Variants in NRXN2 observed in about 807,000 individuals in gnomAD.
The protein encoded by NRXN2 is neurexin 2, also known as neurexin-2-beta.
A neutral mutation model predicts 128.8 loss-of-function variants in NRXN2; 29 were observed. That is an observed-to-expected ratio of 0.23 (90% CI 0.17 to 0.31). NRXN2 has a LOEUF of 0.31. Ranked by LOEUF, NRXN2 falls within the 10% of genes least tolerant of loss-of-function variation. NRXN2 has a pLI of 1.00. For missense variants in NRXN2, 1,881 were observed against 2,452.6 expected, an observed-to-expected ratio of 0.77 and a Z score of 4.92; for synonymous variants, 1,098 against 1,075.2, an observed-to-expected ratio of 1.02 and a Z score of -0.41.
At position 64,660,767 on chromosome 11, in the gene NRXN2, C is replaced by T. The variant is rs72927004; in HGVS notation, c.2171G>A (p.Arg724Gln). ...ACCAGCCTCACCTCTCTCACAGACC[C>T]GCCCAAGAAAGCCGGTCCCGATGCA... Reference protein sequence around the residue: ...CDCIGTGFLGRVCEREATVLS... With the variant: ...CDCIGTGFLGQVCEREATVLS... Residue 724 changes from arginine (R) to glutamine (Q), a missense_variant, in exon 10 of 23, where the codon CGG becomes CAG. Physicochemically the swap from Arg to Gln is conservative, Grantham distance 43. Transcript: ENST00000265459. This position sits in a 1 kb window ranked among gnomAD's most constrained non-coding sequence, Gnocchi z 5.2. 7.6e-5 allele frequency: 123 copies of T among 1,612,402 alleles called. No individual in the cohort carries two copies. The East Asian group carries it at 8.0e-4, about 11-fold the overall frequency.
chr11:64,696,762 C>T (rs1002083322), intron 3 of NRXN2, among the ~76,000 whole-genome samples: 5 of 152,198 alleles, frequency 3.3e-5, no homozygotes, highest in African/African-American at 1.2e-4. Flanking sequence ...CGCCCTTGCC[C>T]TCCCACTCCA....
Position 64,667,340 on chromosome 11 carries a change from C to T in NRXN2, c.1708G>A (p.Gly570Arg). The change falls in exon 9 of 23, where the codon GGA becomes AGA. Residue 570 changes from glycine to arginine, a missense_variant. This residue lies in a region of NRXN2 where 997 missense variants were observed against 1,240.8 expected (regional missense o/e 0.80). Coordinates refer to ENST00000265459, the MANE Select transcript of NRXN2 (RefSeq NM_015080.4). The surrounding 1 kb of genome is among the most constrained non-coding windows in gnomAD (Gnocchi z 5.6). Reference sequence around the variant, plus strand: ...GCCCGCAGCTTGATGCCCCCAGATCCCATGTCCAGCAGAAGATAGAGGTGG... The same window carrying T: ...GCCCGCAGCTTGATGCCCCCAGATCTCATGTCCAGCAGAAGATAGAGGTGG... ...DGHLYLLLDM[G>R]SGGIKLRASS... is the part of the protein sequence containing the mutation. 3.1e-6 allele frequency: 5 copies of T among 1,614,250 alleles called. No homozygotes were observed. Among genetic ancestry groups the T allele is most frequent in the South Asian group, 1.1e-5 (1 of 91,086 alleles).
chr11:64,690,405 CT>C lies in NRXN2; in HGVS notation c.849del (p.Gly284AlafsTer43). 1 of 1,612,422 alleles carries C rather than the reference CT, an allele frequency of 6.2e-7. No individual in the cohort carries two copies. The highest frequency in any genetic ancestry group is 1.1e-5 in the South Asian group (1 of 90,502). The part of the protein sequence containing the change: ...GGAGDVHQPT[K>X]GKEEFVATFK... ...TCTGGGGACCATGGGGGTCACTGAC[CT>C]TTTGTTGGCTGGTGCACATCGCCGG... On this transcript the variant is annotated frameshift_variant and splice_region_variant, in exon 5 of 23. Transcript: ENST00000265459. LOFTEE classifies it high-confidence loss of function.
chr11:64,698,048 G>A (rs974058890), intron 2 of NRXN2, among the ~76,000 whole-genome samples: 3 of 152,136 alleles, frequency 2.0e-5, no homozygotes, highest in Non-Finnish European at 4.4e-5. Flanking sequence ...CAACCCTCAA[G>A]TAACATTTCA....
At position 64,667,612 on chromosome 11, in the gene NRXN2, T is replaced by G. The variant is rs916199505; in HGVS notation, c.1436A>C (p.Gln479Pro). ...AKEGDPKMKLQGDLSFRCEDV... is the reference protein window; with the variant it reads ...AKEGDPKMKLPGDLSFRCEDV... ...CTCACAGCGGAATGACAAGTCCCCC[T>G]GCAGCTTCATCTTGGGGTCCCCTTC... The change falls in exon 9 of 23, where the codon CAG becomes CCG. Residue 479 changes from glutamine to proline, a missense_variant. This residue lies in a region of NRXN2 where 997 missense variants were observed against 1,240.8 expected (regional missense o/e 0.80). Transcript: ENST00000265459. This position sits in a 1 kb window ranked among gnomAD's most constrained non-coding sequence, Gnocchi z 5.6. 6.2e-7 allele frequency: 1 copy of G among 1,614,072 alleles called. No individual in the cohort carries two copies. Among genetic ancestry groups the G allele is most frequent in the African/African-American group, 1.3e-5 (1 of 74,938 alleles).
chr11:64,619,358 A>C (rs1285919665), intron 22 of NRXN2, among the ~76,000 whole-genome samples: 3 of 151,140 alleles, frequency 2.0e-5, no homozygotes, highest in Admixed American at 2.0e-4. Context: ...GCCAGCCTCA[A>C]GTATCCCACC....
intron 20 of NRXN2, 33 bp downstream of exon 20, chr11:64,626,430 T>A (rs1249505827): frequency 2.8e-6 from 4 of 1,443,740 alleles, no homozygotes; most frequent in Admixed American, 1.7e-5. Flanking sequence ...TTTTTAAAGT[T>A]AATTAATTAA....
chr11:64,661,513 CT>C, intron 9 of NRXN2: 2 of 622,918 alleles, frequency 3.2e-6, no homozygotes, highest in Non-Finnish European at 4.4e-6. Context: ...CAGCCAGTTC[CT>C]TAGACTGGGA....
At chr11:64,676,023 A>G (rs1299233949) in intron 7 of NRXN2, 1 of 152,990 alleles carries the variant, frequency 6.5e-6, no homozygotes, top group Non-Finnish European at 1.5e-5. Flanking sequence ...GGTGACAAGG[A>G]CAACCAATGC....
intron 9 of NRXN2, 127 bp from the exon 10 acceptor site, chr11:64,661,266 G>C: frequency 8.4e-6 from 13 of 1,551,630 alleles, no homozygotes; most frequent in Non-Finnish European, 1.1e-5. Context: ...GGCTCAGGAG[G>C]ACGAGCAGCA....
rs1383988368 is a variant in NRXN2 at position 64,642,894 on chromosome 11, G to C, written c.3403+5325C>G. On this transcript the variant is annotated intron_variant, in intron 17 of 22. Transcript: ENST00000265459. ...CCGCGAAGCCCCCCTCCGGCTCCGA[G>C]CTCCGGGAGCGGGGTAGGGATGAAG... 3.9e-6 allele frequency: 4 copies of C among 1,031,926 alleles called. No individual in the cohort carries two copies. The East Asian group carries it at 3.8e-4, about 97-fold the overall frequency. 63.9% of individuals were successfully genotyped at this position (1,031,926 alleles called of 1,614,324 possible).
chr11:64,615,477 C>A (rs943286242), intron 22 of NRXN2, among the ~76,000 whole-genome samples: 2 of 152,204 alleles, frequency 1.3e-5, no homozygotes, highest in Admixed American at 6.5e-5. Context: ...TGGAGTTAAG[C>A]CTGCATGTGC....
At chr11:64,681,881 G>C (rs574559227) in intron 6 of NRXN2, among the ~76,000 whole-genome samples, 17 of 152,312 alleles carry the variant, frequency 1.1e-4, no homozygotes, top group Admixed American at 3.3e-4. Context: ...GAGGGAGAGA[G>C]GCCTGGGCAG....
In NRXN2 at chr11:64,623,203, G is replaced by C. The variant is rs2042622907; in HGVS notation, c.3848-125C>G. ...ATGGAGGAGAAAGCCAGTAAGGGAG[G>C]AGGGGACGGGGAGAAATGAGGAAGG... On this transcript the variant is annotated intron_variant, in intron 20 of 22. Coordinates refer to ENST00000265459, the MANE Select transcript of NRXN2 (RefSeq NM_015080.4). The surrounding 1 kb of genome is among the most constrained non-coding windows in gnomAD (Gnocchi z 4.9). The C allele has an allele frequency of 1.4e-6, 2 of 1,405,880 alleles. No individual in the cohort carries two copies. The highest frequency in any genetic ancestry group is 2.5e-5 in the Admixed American group (1 of 40,192). The allele number at this position is 1,405,880 out of a possible 1,614,324, so 87.1% of individuals were successfully genotyped here. A position where few individuals can be genotyped will look rare whatever the true frequency, so the allele number is the denominator to read the frequency against.
chr11:64,697,912 C>T, intron 2 of NRXN2, 120 bp from the exon 3 acceptor site: 2 of 1,183,606 alleles, frequency 1.7e-6, no homozygotes, highest in Non-Finnish European at 2.5e-6. Flanking sequence ...CCACCCAGGC[C>T]CTGACATGAG....
rs1339002006 is a variant in NRXN2, at chr11:64,632,306, C to A, written c.3586-1733G>T. On this transcript the variant is annotated intron_variant, in intron 18 of 22. Coordinates refer to ENST00000265459, the MANE Select transcript of NRXN2 (RefSeq NM_015080.4). The surrounding 1 kb of genome is among the most constrained non-coding windows in gnomAD (Gnocchi z 4.2). ...ACACAGATGCATGCACACAGTCATA[C>A]ATGCATGCAGCCTCTCTCCTCAGAT... 1.3e-5 allele frequency among the ~76,000 whole-genome samples: 2 copies of A among 152,192 alleles called. No homozygotes were observed. The highest frequency in any genetic ancestry group is 4.8e-5 in the African/African-American group (2 of 41,436).
At chr11:64,679,775 T>C (rs1208345338) in intron 6 of NRXN2, among the ~76,000 whole-genome samples, 1 of 152,062 alleles carries the variant, frequency 6.6e-6, no homozygotes, top group African/African-American at 2.4e-5. Flanking sequence ...CCTCTAGACC[T>C]AGGGATTAAG....
chr11:64,692,740 G>T, intron 4 of NRXN2, 107 bp downstream of exon 4: 1 of 1,098,922 alleles, frequency 9.1e-7, no homozygotes, highest in Non-Finnish European at 1.4e-6. Flanking sequence ...TGTCAGGACA[G>T]GTGGAGGAGG....
chr11:64,629,702 C>T (rs2043586748), intron 19 of NRXN2, among the ~76,000 whole-genome samples: 2 of 152,112 alleles, frequency 1.3e-5, no homozygotes, highest in South Asian at 4.1e-4. Flanking sequence ...GACTGAGTGC[C>T]CCGGACCTAG....
Sources: gnomAD v4.1 joint callset for allele counts (sites outside exome capture counted in the v4.1 genomes callset) on GRCh38, gnomAD v4.1.1 for gene constraint, gnomAD v4.1.1 regional missense constraint, Gnocchi (gnomAD v3.1) non-coding constraint, MANE v1.5 for transcripts, NCBI Gene and HGNC (gene_info 2026-07-23, HGNC 2026-07-21) for gene names.